ANKRD31: variants seen among roughly 807,000 people sequenced by gnomAD.
The protein encoded by ANKRD31 is ankyrin repeat domain-containing protein 31.
Under a neutral mutation model 186.0 loss-of-function variants are expected in ANKRD31, and 147 were observed. The observed-to-expected ratio is 0.79, with a 90% CI of 0.69 to 0.91. ANKRD31 has a LOEUF of 0.91. ANKRD31 is among the 40% of genes least tolerant of loss of function. The probability of loss-of-function intolerance (pLI) is 0.00; values close to 1 mark genes in which losing one functional copy is unlikely to be tolerated. For missense variants in ANKRD31, 1,986 were observed against 2,148.8 expected, an observed-to-expected ratio of 0.92 and a Z score of 1.50; for synonymous variants, 673 against 736.4, an observed-to-expected ratio of 0.91 and a Z score of 1.39.
In ANKRD31 at chr5:75,144,748, A is replaced by T. The variant is rs184004572; in HGVS notation, c.3425-577T>A. Among the ~76,000 whole-genome samples the T allele has an allele frequency of 2.5e-3, 385 of 152,302 alleles. 2 individuals are homozygous for T. Among genetic ancestry groups the T allele is most frequent in the Non-Finnish European group, 4.0e-3 (269 of 68,014 alleles). ...ACAAAAGCCAAAATTGATAAATGGG[A>T]TCTAATTAAACTAAAGAGCTTCTGC... On this transcript the variant is annotated intron_variant, in intron 14 of 25. Transcript: ENST00000506364.
chr5:75,102,744 T>A (rs1318089919), intron 22 of ANKRD31, among the ~76,000 whole-genome samples: 2 of 152,176 alleles, frequency 1.3e-5, no homozygotes, highest in African/African-American at 4.8e-5. Context: ...GTGCAGGATA[T>A]AATCTCCTGG....
At chr5:75,220,292 T>C (rs1191538726) in intron 3 of ANKRD31, among the ~76,000 whole-genome samples, 3 of 152,042 alleles carry the variant, frequency 2.0e-5, no homozygotes, top group African/African-American at 7.2e-5. Flanking sequence ...AGGTCTAATA[T>C]ACAGAATCTA....
chr5:75,118,280 T>C lies in ANKRD31; in HGVS notation c.3894A>G (p.Leu1298=), dbSNP rs1273956729. 2.7e-6 allele frequency: 4 copies of C among 1,501,528 alleles called. No homozygotes were observed. The highest frequency in any genetic ancestry group is 2.5e-5 in the Admixed American group (1 of 40,708). The allele number at this position is 1,501,528 out of a possible 1,614,324, so 93.0% of individuals were successfully genotyped here. ...TTTGATTAGGGTTTGCTCCATTTTG[T>C]AGTAGAATCTCAGCTGCCTACAAAG... ...NNHLKAAEIL[L]QNGANPNQKD... is the part of the protein sequence containing the mutation. The change falls in exon 18 of 26, where the codon CTA becomes CTG. Residue 1298 remains leucine, a synonymous_variant. Transcript: ENST00000506364.
intron 9 of ANKRD31, among the ~76,000 whole-genome samples, chr5:75,189,627 G>C (rs1334525004): frequency 6.6e-6 from 1 of 152,152 alleles, no homozygotes; most frequent in African/African-American, 2.4e-5. Flanking sequence ...AATCAGAGCA[G>C]TCTTTACTTC....
intron 12 of ANKRD31, among the ~76,000 whole-genome samples, chr5:75,152,386 A>T (rs1341496751): frequency 6.6e-6 from 1 of 152,074 alleles, no homozygotes; most frequent in Non-Finnish European, 1.5e-5. Flanking sequence ...ACTACAGGAC[A>T]TGTAGGGAGG....
At chr5:75,169,648 T>C (rs1294146351) in intron 10 of ANKRD31, among the ~76,000 whole-genome samples, 1 of 152,214 alleles carries the variant, frequency 6.6e-6, no homozygotes, top group Admixed American at 6.5e-5. Flanking sequence ...ATATTCTTTT[T>C]CTTTGTTGGC....
At chr5:75,187,000 T>C (rs1241983797) in intron 10 of ANKRD31, among the ~76,000 whole-genome samples, 1 of 149,896 alleles carries the variant, frequency 6.7e-6, no homozygotes, top group African/African-American at 2.5e-5. Context: ...AGAGAGTGAG[T>C]GTGTGTGTGT....
At chr5:75,189,499 A>G (rs577043761) in intron 9 of ANKRD31, among the ~76,000 whole-genome samples, 1 of 152,064 alleles carries the variant, frequency 6.6e-6, no homozygotes, top group African/African-American at 2.4e-5. Flanking sequence ...TTGCCGTTTG[A>G]CTCCCTTGAT....
chr5:75,086,870 T>C (rs2150024033), intron 23 of ANKRD31, among the ~76,000 whole-genome samples: 1 of 152,140 alleles, frequency 6.6e-6, no homozygotes, highest in Non-Finnish European at 1.5e-5. Flanking sequence ...TGTGTGTGTG[T>C]ACGCGCACGT....
chr5:75,089,111 T>G (rs1225167887), intron 23 of ANKRD31, among the ~76,000 whole-genome samples: 3 of 152,132 alleles, frequency 2.0e-5, no homozygotes, highest in African/African-American at 7.2e-5. Context: ...GTGATTCCAA[T>G]GTGATCGAAA....
intron 19 of ANKRD31, 62 bp downstream of exon 19, chr5:75,116,504 T>A: frequency 9.7e-7 from 1 of 1,027,290 alleles, no homozygotes; most frequent in Non-Finnish European, 1.3e-6. Context: ...AATAACTAAC[T>A]GGCTGGCTCA....
At chr5:75,161,894 T>A (rs569581079) in intron 11 of ANKRD31, among the ~76,000 whole-genome samples, 1 of 152,210 alleles carries the variant, frequency 6.6e-6, no homozygotes, top group Non-Finnish European at 1.5e-5. Context: ...AGTCAAGAAT[T>A]GGGGTTTGGG....
chr5:75,120,249 G>T (rs1748650067), intron 17 of ANKRD31, among the ~76,000 whole-genome samples: 1 of 152,046 alleles, frequency 6.6e-6, no homozygotes, highest in African/African-American at 2.4e-5. Flanking sequence ...TAAAAAATTA[G>T]CTGGGTGTGG....
intron 15 of ANKRD31, among the ~76,000 whole-genome samples, chr5:75,140,554 G>T (rs1285229086): frequency 2.0e-5 from 3 of 152,162 alleles, no homozygotes; most frequent in African/African-American, 7.2e-5. Context: ...TTATGACTTT[G>T]TGTACTCTTC....
chr5:75,098,767 T>C (rs1358308908), intron 22 of ANKRD31, among the ~76,000 whole-genome samples: 4 of 152,234 alleles, frequency 2.6e-5, no homozygotes, highest in African/African-American at 7.2e-5. Flanking sequence ...CTTGTGATTT[T>C]TGCCCATTGA....
rs183343597 is a variant in ANKRD31, at chr5:75,145,592, G to T, written c.3424+395C>A. On this transcript the variant is annotated intron_variant, in intron 14 of 25. Coordinates refer to ENST00000506364, the MANE Select transcript of ANKRD31 (RefSeq NM_001372053.1). The stretch of plus-strand genomic sequence containing the variant: ...ACCAGGGCCTGTCATGGGGTGGGGG[G>T]GCTACTGGTGGGATAGCATTAGAAG... Among the ~76,000 whole-genome samples the T allele has an allele frequency of 1.6e-4, 24 of 152,010 alleles. No individual in the cohort carries two copies. In the East Asian group the frequency reaches 2.5e-3, roughly 16 times the overall value.
At chr5:75,232,239 T>C (rs1011627396) in intron 1 of ANKRD31, among the ~76,000 whole-genome samples, 4 of 152,154 alleles carry the variant, frequency 2.6e-5, no homozygotes, top group African/African-American at 9.7e-5. Flanking sequence ...TAAGTTTATC[T>C]CTTAAAATGT....
At chr5:75,136,713 A>G (rs1750608020) in intron 17 of ANKRD31, among the ~76,000 whole-genome samples, 2 of 152,248 alleles carry the variant, frequency 1.3e-5, no homozygotes, top group African/African-American at 2.4e-5. Context: ...ACACATGCAC[A>G]TGTACGTTTA....
intron 11 of ANKRD31, among the ~76,000 whole-genome samples, chr5:75,168,427 G>A (rs1037426386): frequency 6.6e-6 from 1 of 152,178 alleles, no homozygotes; most frequent in Non-Finnish European, 1.5e-5. Context: ...TGGTTTCTGA[G>A]ATAAACCATG....
Sources: allele counts gnomAD v4.1 joint callset (sites outside exome capture counted in the v4.1 genomes callset), GRCh38; gene constraint gnomAD v4.1.1; transcripts MANE v1.5; gene names NCBI Gene and HGNC (gene_info 2026-07-23, HGNC 2026-07-21).